The following LINGO2 variants were observed in gnomAD, a reference collection of about 807,000 sequenced individuals.
LINGO2 encodes leucine rich repeat and Ig domain containing 2.
A neutral mutation model predicts 30.6 loss-of-function variants in LINGO2; 14 were observed. That is an observed-to-expected ratio of 0.46 (90% CI 0.30 to 0.72). LINGO2 has a LOEUF of 0.72. Among genes scored for constraint, LINGO2 ranks in the 30% least tolerant of loss-of-function variants. LINGO2 has a pLI of 0.07. For missense variants in LINGO2, 729 were observed against 751.7 expected, an observed-to-expected ratio of 0.97 and a Z score of 0.35; for synonymous variants, 317 against 288.5, an observed-to-expected ratio of 1.10 and a Z score of -1.00.
chr9:28,492,053 G>A lies in LINGO2; in HGVS notation c.-364-16028C>T, dbSNP rs376997199. ...CAGAAAATTTTGCATGGGCATCATT[G>A]TATGGGGCACTTAGTGTTGCCAATA... On this transcript the variant is annotated intron_variant, in intron 1 of 5. Coordinates refer to ENST00000379992, the Ensembl canonical transcript of LINGO2. Among the ~76,000 whole-genome samples, 62 of 152,316 alleles carry A rather than the reference G, an allele frequency of 4.1e-4. 2 individuals are homozygous for A. The East Asian group carries it at 7.9e-3, about 19-fold the overall frequency.
At position 28,479,693 on chromosome 9, in the gene LINGO2, T is replaced by C. The variant is rs182876354; in HGVS notation, c.-364-3668A>G. On this transcript the variant is annotated intron_variant, in intron 1 of 5. Coordinates refer to ENST00000379992, the Ensembl canonical transcript of LINGO2. ...TGACAAGAATATGCTTATTTCTTAC[T>C]TGTCTTTTCAGCAAAATTTCCAAAC... 9.9e-4 allele frequency among the ~76,000 whole-genome samples: 150 copies of C among 151,522 alleles called. 4 individuals carry two copies. In the East Asian group the frequency reaches 0.025, roughly 25 times the overall value.
the LINGO2 span, among the ~76,000 whole-genome samples, chr9:28,694,088 T>A: frequency 6.6e-6 from 1 of 151,732 alleles, no homozygotes; most frequent in East Asian, 1.9e-4. Flanking sequence ...AGTTAAAAAC[T>A]CTTATGTAAG....
intron 2 of LINGO2, among the ~76,000 whole-genome samples, chr9:28,473,267 A>C (rs1410414258): frequency 6.6e-6 from 1 of 151,970 alleles, no homozygotes; most frequent in Non-Finnish European, 1.5e-5. Flanking sequence ...TTATGAAGAA[A>C]TTCAGGCCCA....
intron 2 of LINGO2, among the ~76,000 whole-genome samples, chr9:28,378,492 C>A (rs1821217276): frequency 6.6e-6 from 1 of 152,116 alleles, no homozygotes; most frequent in African/African-American, 2.4e-5. Context: ...GGGGGACTTT[C>A]CATGAAGAGG....
At chr9:28,788,172 T>A in the LINGO2 span, among the ~76,000 whole-genome samples, 4 of 152,146 alleles carry the variant, frequency 2.6e-5, no homozygotes, top group Non-Finnish European at 5.9e-5. Flanking sequence ...TTTTCCATAA[T>A]GCAATTACCA....
the LINGO2 span, among the ~76,000 whole-genome samples, chr9:29,142,447 T>C: frequency 6.6e-6 from 1 of 151,758 alleles, no homozygotes; most frequent in East Asian, 1.9e-4. Context: ...ATTCCCATAT[T>C]TAAAAAGAAG....
At chr9:28,582,105 T>C (rs1348138807) in intron 1 of LINGO2, among the ~76,000 whole-genome samples, 1 of 151,980 alleles carries the variant, frequency 6.6e-6, no homozygotes, top group East Asian at 1.9e-4. Flanking sequence ...TATATTCTGC[T>C]TTTTATTGAT....
At chr9:28,187,508 G>T (rs924920636) in intron 4 of LINGO2, among the ~76,000 whole-genome samples, 1 of 142,076 alleles carries the variant, frequency 7.0e-6, no homozygotes, top group East Asian at 2.1e-4. Context: ...AAAAAAAAAA[G>T]ACAGAGGATT....
the LINGO2 span, among the ~76,000 whole-genome samples, chr9:29,170,910 G>C: frequency 2.6e-5 from 4 of 152,236 alleles, no homozygotes; most frequent in East Asian, 5.8e-4. Flanking sequence ...GTTTGATGCA[G>C]ATAAACTTTT....
At chr9:28,044,810 A>G (rs1035188792) in intron 4 of LINGO2, among the ~76,000 whole-genome samples, 1 of 151,650 alleles carries the variant, frequency 6.6e-6, no homozygotes, top group Admixed American at 6.6e-5. Context: ...ATAAGGAATC[A>G]GAGACTTTTC....
At chr9:29,118,704 G>A in the LINGO2 span, among the ~76,000 whole-genome samples, 1 of 152,082 alleles carries the variant, frequency 6.6e-6, no homozygotes. Flanking sequence ...CCTGAAGCCA[G>A]CCCCAACTGC....
At chr9:28,560,769 C>T (rs913514976) in intron 1 of LINGO2, among the ~76,000 whole-genome samples, 3 of 152,036 alleles carry the variant, frequency 2.0e-5, no homozygotes, top group South Asian at 2.1e-4. Flanking sequence ...CCAGCTCAAG[C>T]GATCCTCTCA....
chr9:28,559,035 C>A (rs749776713), intron 1 of LINGO2, among the ~76,000 whole-genome samples: 7 of 152,010 alleles, frequency 4.6e-5, no homozygotes, highest in Admixed American at 1.3e-4. Context: ...AAGTTCAGGT[C>A]CACTATTAAA....
At chr9:28,563,895 T>C (rs1823230396) in intron 1 of LINGO2, among the ~76,000 whole-genome samples, 2 of 152,114 alleles carry the variant, frequency 1.3e-5, no homozygotes, top group Admixed American at 1.3e-4. Flanking sequence ...GTTTTCTAGA[T>C]AGTTAGACCC....
chr9:28,975,309 A>G, the LINGO2 span, among the ~76,000 whole-genome samples: 29 of 152,216 alleles, frequency 1.9e-4, no homozygotes, highest in Admixed American at 1.9e-3. Flanking sequence ...TTTGACTCCA[A>G]CTTAATCTAT....
chr9:28,902,862 G>C, the LINGO2 span, among the ~76,000 whole-genome samples: 100 of 151,522 alleles, frequency 6.6e-4, no homozygotes, highest in African/African-American at 2.3e-3. Flanking sequence ...TACCAAAATA[G>C]AGTTCAGAAA....
chr9:28,879,317 A>G, the LINGO2 span, among the ~76,000 whole-genome samples: 1 of 152,172 alleles, frequency 6.6e-6, no homozygotes, highest in Non-Finnish European at 1.5e-5. Context: ...GCATATGGAT[A>G]ATATGTAGTA....
intron 5 of LINGO2, among the ~76,000 whole-genome samples, chr9:27,993,595 T>A (rs1821505855): frequency 6.6e-6 from 1 of 152,172 alleles, no homozygotes; most frequent in Non-Finnish European, 1.5e-5. Context: ...AAATCTTTCC[T>A]GTCGAAAACA....
chr9:28,407,998 AGAGG>A (rs1276936412), intron 2 of LINGO2, among the ~76,000 whole-genome samples: 1 of 152,064 alleles, frequency 6.6e-6, no homozygotes, highest in Non-Finnish European at 1.5e-5. Flanking sequence ...GAGTACAGCG[AGAGG>A]GAGGGAGGGA....
Sources: allele counts gnomAD v4.1 joint callset (sites outside exome capture counted in the v4.1 genomes callset), GRCh38; gene constraint gnomAD v4.1.1; transcripts MANE v1.5; gene names NCBI Gene and HGNC (gene_info 2026-07-23, HGNC 2026-07-21).